Variants in SDCBP2 observed in about 807,000 individuals in gnomAD.
The protein encoded by SDCBP2 is syndecan binding protein 2.
A neutral mutation model predicts 30.7 loss-of-function variants in SDCBP2; 28 were observed. That is an observed-to-expected ratio of 0.91 (90% CI 0.68 to 1.25). The LOEUF is 1.25. Among genes scored for constraint, SDCBP2 ranks in the 50% most tolerant of loss-of-function variants. SDCBP2 has a pLI of 0.00. For synonymous variants in SDCBP2, 166 were observed against 157.3 expected, an observed-to-expected ratio of 1.06 and a Z score of -0.41; for missense variants, 399 against 379.0, an observed-to-expected ratio of 1.05 and a Z score of -0.44.
At chr20:1,319,795 C>T (rs2088828742) in intron 2 of SDCBP2, 136 bp from the exon 3 acceptor site, 2 of 649,894 alleles carry the variant, frequency 3.1e-6, no homozygotes, top group South Asian at 2.1e-5. Context: ...TGCACCAACC[C>T]TCAGGGCTCA....
intron 4 of SDCBP2, among the ~76,000 whole-genome samples, chr20:1,315,225 G>A (rs557570752): frequency 6.6e-6 from 1 of 152,306 alleles, no homozygotes; most frequent in East Asian, 1.9e-4. Flanking sequence ...CTTTTTGCAA[G>A]AGTGCTTTCA....
rs2088637776 is a variant in SDCBP2 at position 1,310,109 on chromosome 20, T to C, written c.*332A>G. The C allele has an allele frequency of 7.9e-6, 2 of 253,114 alleles. 1 individual carries two copies. Among genetic ancestry groups the C allele is most frequent in the South Asian group, 2.2e-4 (2 of 8,972 alleles). 15.7% of individuals were successfully genotyped at this position (253,114 alleles called of 1,614,324 possible). A position where few individuals can be genotyped will look rare whatever the true frequency, so the allele number is the denominator to read the frequency against. On this transcript the variant is annotated 3_prime_UTR_variant, in exon 9 of 9. Transcript: ENST00000360779. ...GCTCTGTTCTCTTAAAATGTGTAACTGTTTTCCTGGTAGAGCAAAATTTCT... is the reference window on the plus strand; with the variant it reads ...GCTCTGTTCTCTTAAAATGTGTAACCGTTTTCCTGGTAGAGCAAAATTTCT...
At chr20:1,325,953 G>T (rs554865644) in intron 1 of SDCBP2, 1 of 152,218 alleles carries the variant, frequency 6.6e-6, no homozygotes, top group Non-Finnish European at 1.5e-5. Context: ...CTGCTGCCTA[G>T]GGAAGGGTTC....
At chr20:1,317,953 T>G in intron 4 of SDCBP2, 1 of 354,022 alleles carries the variant, frequency 2.8e-6, no homozygotes, top group Non-Finnish European at 5.6e-6. Context: ...GGGACCAGAG[T>G]TGGGTGACGA....
At chr20:1,315,518 G>T (rs1274456685) in intron 4 of SDCBP2, among the ~76,000 whole-genome samples, 1 of 152,104 alleles carries the variant, frequency 6.6e-6, no homozygotes, top group African/African-American at 2.4e-5. Context: ...GACAGAGTGA[G>T]ACCCCATCTC....
At position 1,310,503 on chromosome 20, in the gene SDCBP2, C is replaced by G; in HGVS notation, c.825-8G>C. On this transcript the variant is annotated splice_polypyrimidine_tract_variant and splice_region_variant and intron_variant, in intron 8 of 8. Transcript: ENST00000360779. ...AGCAGGACTGGAGGCAACCTGGATA[C>G]AGCAACAACAGTGACCAGGTTGGCA... The G allele has an allele frequency of 6.2e-7, 1 of 1,613,430 alleles. No individual in the cohort carries two copies. The highest frequency in any genetic ancestry group is 8.5e-7 in the Non-Finnish European group (1 of 1,179,764).
At chr20:1,319,568 C>T in intron 3 of SDCBP2, 22 bp downstream of exon 3, 2 of 1,557,102 alleles carry the variant, frequency 1.3e-6, no homozygotes, top group Non-Finnish European at 1.7e-6. Flanking sequence ...CACCCAGGAG[C>T]CCCTCATCCC....
At chr20:1,315,821 CAT>C (rs1031484461) in intron 4 of SDCBP2, among the ~76,000 whole-genome samples, 1 of 152,086 alleles carries the variant, frequency 6.6e-6, no homozygotes, top group Non-Finnish European at 1.5e-5. Flanking sequence ...TGAGAGAAAA[CAT>C]AAACCACACA....
In SDCBP2 at chr20:1,310,806, A is replaced by AC; in HGVS notation, c.817dup (p.Val273GlyfsTer60). 6.2e-7 allele frequency: 1 copy of AC among 1,612,152 alleles called. No homozygotes were observed. The highest frequency in any genetic ancestry group is 8.5e-7 in the Non-Finnish European group (1 of 1,178,634). On this transcript the variant is annotated frameshift_variant, in exon 8 of 9. Transcript: ENST00000360779. LOFTEE classifies it high-confidence loss of function. ...AGGAGGGGTGCAGCCTTACTTTTTG[A>AC]CCATGTGCTCGTAGATCACACTGGG... is the stretch of plus-strand genomic sequence containing the variant.
intron 1 of SDCBP2, chr20:1,323,006 C>T (rs1380188205): frequency 2.0e-5 from 3 of 152,200 alleles, no homozygotes; most frequent in African/African-American, 7.2e-5. Flanking sequence ...CAACACTCAC[C>T]CGGCTGAGTC....
In SDCBP2 at chr20:1,321,953, T is replaced by C. The variant is rs1364069715; in HGVS notation, c.-19-1518A>G. On this transcript the variant is annotated intron_variant, in intron 1 of 8. Transcript: ENST00000360779. The surrounding 1 kb of genome is among the most constrained non-coding windows in gnomAD (Gnocchi z 5.2). Reference sequence around the variant, plus strand: ...GACTCCAGGGTGACCCAGTCCACCATCCTCTATTGGCTGTTACACCCAGAC... The same window carrying C: ...GACTCCAGGGTGACCCAGTCCACCACCCTCTATTGGCTGTTACACCCAGAC... 2.0e-5 allele frequency: 3 copies of C among 152,202 alleles called. No homozygotes were observed. The highest frequency in any genetic ancestry group is 1.5e-5 in the Non-Finnish European group (1 of 68,056). 9.4% of individuals were successfully genotyped at this position (152,202 alleles called of 1,614,324 possible).
Position 1,313,546 on chromosome 20 carries a change from G to A in SDCBP2, c.226-48C>T. On this transcript the variant is annotated intron_variant, in intron 4 of 8. Coordinates refer to ENST00000360779, the MANE Select transcript of SDCBP2 (RefSeq NM_080489.5). The surrounding 1 kb of genome is among the most constrained non-coding windows in gnomAD (Gnocchi z 5.2). ...GGTCAGCCCGGCCCGTGGGGACCCT[G>A]TGCCTCAGGAGACACTGGGGTGGGG... The A allele has an allele frequency of 6.6e-7, 1 of 1,523,844 alleles. No individual in the cohort carries two copies. Among genetic ancestry groups the A allele is most frequent in the South Asian group, 1.2e-5 (1 of 81,098 alleles). The allele number at this position is 1,523,844 out of a possible 1,614,324, so 94.4% of individuals were successfully genotyped here.
At chr20:1,319,554 T>C (rs772629336) in intron 3 of SDCBP2, 36 bp downstream of exon 3, 13 of 1,550,310 alleles carry the variant, frequency 8.4e-6, no homozygotes, top group South Asian at 8.3e-5. Flanking sequence ...CTGAAAGGAC[T>C]TGGCACCCAG....
Position 1,323,790 on chromosome 20 carries a change from C to G in SDCBP2, c.-19-3355G>C, listed in dbSNP as rs576129767. 7 of 152,214 alleles carry G rather than the reference C, an allele frequency of 4.6e-5. No individual in the cohort carries two copies. The South Asian group carries it at 6.2e-4, about 14-fold the overall frequency. 9.4% of individuals were successfully genotyped at this position (152,214 alleles called of 1,614,324 possible). On this transcript the variant is annotated intron_variant, in intron 1 of 8. Coordinates refer to ENST00000360779, the MANE Select transcript of SDCBP2 (RefSeq NM_080489.5). Reference sequence around the variant, plus strand: ...TACCTAATGCAATGTAAATGCTAAACAAAGTTATATTTTATTTTTATTTGA... The same window carrying G: ...TACCTAATGCAATGTAAATGCTAAAGAAAGTTATATTTTATTTTTATTTGA...
At position 1,313,589 on chromosome 20, in the gene SDCBP2, A is replaced by G. The variant is rs1394888372; in HGVS notation, c.226-91T>C. ...GGGTGGGGGTAGGGATGGGGAAAGG[A>G]GGATGGAGCCGTCCCCGGGTCCCCC... is the stretch of plus-strand genomic sequence containing the variant. On this transcript the variant is annotated intron_variant, in intron 4 of 8. Coordinates refer to ENST00000360779, the MANE Select transcript of SDCBP2 (RefSeq NM_080489.5). The surrounding 1 kb of genome is among the most constrained non-coding windows in gnomAD (Gnocchi z 5.2). The G allele has an allele frequency of 6.9e-7, 1 of 1,443,320 alleles. No homozygotes were observed. The highest frequency in any genetic ancestry group is 9.1e-7 in the Non-Finnish European group (1 of 1,099,152). 89.4% of individuals were successfully genotyped at this position (1,443,320 alleles called of 1,614,324 possible).
At chr20:1,328,258 T>A (rs2088959526) in intron 1 of SDCBP2, among the ~76,000 whole-genome samples, 1 of 152,020 alleles carries the variant, frequency 6.6e-6, no homozygotes, top group Non-Finnish European at 1.5e-5. Context: ...GACTTTGGCA[T>A]TTACTGTAGT....
chr20:1,312,641 T>C lies in SDCBP2; in HGVS notation c.506A>G (p.His169Arg). 2 of 1,614,150 alleles carry C rather than the reference T, an allele frequency of 1.2e-6. No individual in the cohort carries two copies. Among genetic ancestry groups the C allele is most frequent in the South Asian group, 1.1e-5 (1 of 91,082 alleles). The stretch of plus-strand genomic sequence containing the variant: ...GCCTGATGCCTTCTTCACCACCTGA[T>C]GGGCTTTGTGCGAGCTCCACCCAGC... ...DCAGWSSHKAHQVVKKASGDK... is the reference protein window; with the variant it reads ...DCAGWSSHKARQVVKKASGDK... Residue 169 changes from histidine to arginine, a missense_variant, in exon 6 of 9, where the codon CAT (histidine) becomes CGT (arginine). Physicochemically the swap from His to Arg is conservative, Grantham distance 29. Transcript: ENST00000360779.
intron 1 of SDCBP2, among the ~76,000 whole-genome samples, chr20:1,326,046 G>A (rs971493910): frequency 6.6e-6 from 1 of 152,190 alleles, no homozygotes; most frequent in Non-Finnish European, 1.5e-5. Context: ...TGGATGTGGC[G>A]TATAGGAGGA....
At chr20:1,316,777 A>G (rs2088783430) in intron 4 of SDCBP2, among the ~76,000 whole-genome samples, 1 of 152,234 alleles carries the variant, frequency 6.6e-6, no homozygotes, top group South Asian at 2.1e-4. Flanking sequence ...ATGAAAACGT[A>G]TGTCTATACA....
Sources: gnomAD v4.1 joint callset for allele counts (sites outside exome capture counted in the v4.1 genomes callset) on GRCh38, gnomAD v4.1.1 for gene constraint, Gnocchi (gnomAD v3.1) non-coding constraint, MANE v1.5 for transcripts, NCBI Gene and HGNC (gene_info 2026-07-23, HGNC 2026-07-21) for gene names.